The following DGKH variants were observed in gnomAD, a reference collection of about 807,000 sequenced individuals.
DGKH encodes the protein DAG kinase eta.
In DGKH, 90 loss-of-function variants were observed where a neutral mutation model predicts 159.3. The ratio of observed to expected loss-of-function variants is 0.57; its 90% confidence interval spans 0.48 to 0.67. DGKH has a LOEUF of 0.67. Ranked by LOEUF, DGKH falls within the 30% of genes least tolerant of loss-of-function variation. The pLI, the probability that DGKH is intolerant of heterozygous loss-of-function variation, is 0.00. For synonymous variants in DGKH, 536 were observed against 553.8 expected, an observed-to-expected ratio of 0.97 and a Z score of 0.45; for missense variants, 1,181 against 1,506.1, an observed-to-expected ratio of 0.78 and a Z score of 3.57.
At chr13:42,097,190 A>T (rs1954556533) in intron 1 of DGKH, among the ~76,000 whole-genome samples, 3 of 151,942 alleles carry the variant, frequency 2.0e-5, no homozygotes, top group African/African-American at 7.3e-5. Flanking sequence ...TTCAGTTTTC[A>T]GTTCTGGGAA....
intron 3 of DGKH, among the ~76,000 whole-genome samples, chr13:42,149,563 C>T (rs1439951175): frequency 2.0e-5 from 3 of 152,162 alleles, no homozygotes; most frequent in South Asian, 2.1e-4. Flanking sequence ...AATGAATGAA[C>T]GGATGGATTC....
At chr13:42,200,605 A>G (rs1375567567) in intron 20 of DGKH, among the ~76,000 whole-genome samples, 1 of 152,230 alleles carries the variant, frequency 6.6e-6, no homozygotes, top group Non-Finnish European at 1.5e-5. Context: ...ATTAAAGCAT[A>G]TCATACATAT....
rs1033016636 is a variant in DGKH at position 42,235,869 on chromosome 13, G to A, written c.*6681G>A. 2 of 151,994 alleles carry A rather than the reference G, an allele frequency of 1.3e-5. No individual in the cohort carries two copies. The highest frequency in any genetic ancestry group is 4.8e-5 in the African/African-American group (2 of 41,434). The allele number at this position is 151,994 out of a possible 1,614,324, so 9.4% of individuals were successfully genotyped here. A position where few individuals can be genotyped will look rare whatever the true frequency, so the allele number is the denominator to read the frequency against. On this transcript the variant is annotated 3_prime_UTR_variant, in exon 30 of 30. Transcript: ENST00000337343. ...TAAGTGAGATAAATCTCACTTTTAT[G>A]TTAAAATGTCTATTTATACAACAGG...
chr13:42,122,464 T>C (rs1417454912), intron 1 of DGKH, among the ~76,000 whole-genome samples: 2 of 152,184 alleles, frequency 1.3e-5, no homozygotes, highest in Non-Finnish European at 2.9e-5. Context: ...GCTAATGTGC[T>C]AGCTCAGATC....
At chr13:42,167,575 C>T (rs533802345) in intron 9 of DGKH, among the ~76,000 whole-genome samples, 1 of 152,080 alleles carries the variant, frequency 6.6e-6, no homozygotes, top group Non-Finnish European at 1.5e-5. Context: ...CCCTTCTGGT[C>T]ACATGGATGT....
At chr13:42,135,489 CAGAA>C (rs1955383049) in intron 3 of DGKH, among the ~76,000 whole-genome samples, 1 of 51,000 alleles carries the variant, frequency 2.0e-5, no homozygotes, top group African/African-American at 5.5e-5. Flanking sequence ...GACCCTGTCT[CAGAA>C]AAAAAAAAAA....
Position 42,194,988 on chromosome 13 carries a change from T to C in DGKH, c.2139T>C (p.Pro713=). Reference sequence around the variant, plus strand: ...TGGCAGCCAGCAAAGAAAACCTCCCTGTGCTCAATACCAGAATAATCTGCC... The same window carrying C: ...TGGCAGCCAGCAAAGAAAACCTCCCCGTGCTCAATACCAGAATAATCTGCC... ...PAVAASKENL[P]VLNTRIICPG... is the part of the protein sequence containing the mutation. The change falls in exon 17 of 30, where the codon CCT becomes CCC. Residue 713 remains proline (P), a synonymous_variant. Transcript: ENST00000337343. 1 of 1,613,906 alleles carries C rather than the reference T, an allele frequency of 6.2e-7. No homozygotes were observed.
intron 12 of DGKH, among the ~76,000 whole-genome samples, chr13:42,174,493 C>T (rs915899348): frequency 5.9e-5 from 9 of 152,204 alleles, no homozygotes; most frequent in Non-Finnish European, 1.2e-4. Flanking sequence ...TTCCTCCCTG[C>T]ATGTTCTATC....
chr13:42,081,168 C>G (rs1418258019), intron 1 of DGKH, among the ~76,000 whole-genome samples: 3 of 151,812 alleles, frequency 2.0e-5, no homozygotes, highest in Non-Finnish European at 4.4e-5. Flanking sequence ...TTTTATCGTT[C>G]TTTATTTTCA....
chr13:42,229,104 G>T lies in DGKH; in HGVS notation c.3579G>T (p.Leu1193=), dbSNP rs778189663. The T allele has an allele frequency of 1.1e-5, 17 of 1,608,628 alleles. No homozygotes were observed. In the Middle Eastern group the frequency reaches 5.0e-4, roughly 47 times the overall value. ...TTTCTGTTCTTTTATTTTAGGATCTGGGGATACCGAAAGTGGGTCATGTGA... is the reference window on the plus strand; with the variant it reads ...TTTCTGTTCTTTTATTTTAGGATCTTGGGATACCGAAAGTGGGTCATGTGA... The part of the protein sequence containing the change: ...LHLERRDLKD[L]GIPKVGHVKR... Residue 1193 remains leucine (L), a synonymous_variant, in exon 30 of 30, where the codon CTG becomes CTT. Transcript: ENST00000337343.
chr13:42,129,528 T>G (rs1277813844), intron 2 of DGKH, 24 bp from the exon 3 acceptor site: 1 of 1,584,426 alleles, frequency 6.3e-7, no homozygotes, highest in East Asian at 2.2e-5. Context: ...TCTAATGTCT[T>G]TGTATGTTTT....
chr13:42,122,767 A>G (rs1056739833), intron 1 of DGKH, among the ~76,000 whole-genome samples: 4 of 152,180 alleles, frequency 2.6e-5, no homozygotes, highest in Non-Finnish European at 5.9e-5. Context: ...GTATCTTGTC[A>G]TTGCATATGA....
intron 3 of DGKH, chr13:42,137,997 A>T (rs1363199646): frequency 9.8e-6 from 7 of 715,490 alleles, no homozygotes; most frequent in Non-Finnish European, 1.2e-5. Flanking sequence ...TTCTAACTTG[A>T]GTCATCTGAT....
chr13:42,160,044 C>A lies in DGKH; in HGVS notation c.763C>A (p.Leu255Met). 1 of 1,614,188 alleles carries A rather than the reference C, an allele frequency of 6.2e-7. No individual in the cohort carries two copies. The highest frequency in any genetic ancestry group is 2.2e-5 in the East Asian group (1 of 44,888). The stretch of plus-strand genomic sequence containing the variant: ...GCCTCACCAGTGGCTTGAGGGCAAC[C>A]TGCCTGTAAGTGCCAAGTGTGCTGT... ...AMPHQWLEGN[L>M]PVSAKCAVCD... Residue 255 changes from leucine to methionine, a missense_variant, in exon 7 of 30, where the codon CTG becomes ATG. Physicochemically the swap from Leu to Met is conservative, Grantham distance 15. Coordinates refer to ENST00000337343, the MANE Select transcript of DGKH (RefSeq NM_178009.5).
chr13:42,223,960 A>G (rs1252082993), intron 29 of DGKH, among the ~76,000 whole-genome samples: 1 of 152,042 alleles, frequency 6.6e-6, no homozygotes, highest in Non-Finnish European at 1.5e-5. Flanking sequence ...TATATACCTT[A>G]TTTAACACCC....
intron 20 of DGKH, among the ~76,000 whole-genome samples, chr13:42,201,243 G>T (rs1228472696): frequency 6.6e-6 from 1 of 152,192 alleles, no homozygotes; most frequent in Non-Finnish European, 1.5e-5. Flanking sequence ...TGCCCGCCTC[G>T]GCCTTCCAAA....
chr13:42,231,526 T>A lies in DGKH; in HGVS notation c.*2338T>A, dbSNP rs945525128. Reference sequence around the variant, plus strand: ...ACAGGAGGTGCCAGGTTCCCAGAACTCTCTAACATTACAGATCTCTGTCCA... The same window carrying A: ...ACAGGAGGTGCCAGGTTCCCAGAACACTCTAACATTACAGATCTCTGTCCA... On this transcript the variant is annotated 3_prime_UTR_variant, in exon 30 of 30. Transcript: ENST00000337343. The A allele has an allele frequency of 6.6e-6, 1 of 152,116 alleles. No individual in the cohort carries two copies. The highest frequency in any genetic ancestry group is 1.5e-5 in the Non-Finnish European group (1 of 68,048). The allele number at this position is 152,116 out of a possible 1,614,324, so 9.4% of individuals were successfully genotyped here.
chr13:42,065,565 T>C (rs1882501374), intron 1 of DGKH, among the ~76,000 whole-genome samples: 1 of 152,190 alleles, frequency 6.6e-6, no homozygotes, highest in African/African-American at 2.4e-5. Flanking sequence ...CTTTATGGCA[T>C]TGCCTTAAGG....
intron 1 of DGKH, among the ~76,000 whole-genome samples, chr13:42,097,966 G>A (rs1954576254): frequency 6.6e-6 from 1 of 152,070 alleles, no homozygotes; most frequent in Admixed American, 6.5e-5. Context: ...CTGTCTTCTG[G>A]TTGTGCTAAG....
Sources: gnomAD v4.1 joint callset for allele counts (sites outside exome capture counted in the v4.1 genomes callset) on GRCh38, gnomAD v4.1.1 for gene constraint, MANE v1.5 for transcripts, NCBI Gene and HGNC (gene_info 2026-07-23, HGNC 2026-07-21) for gene names.